Variants in FAM193A observed in about 807,000 individuals in gnomAD.
The protein encoded by FAM193A is family with sequence similarity 193 member A.
FAM193A carries 22 observed loss-of-function variants against 126.5 expected under a neutral mutation model. The ratio of observed to expected loss-of-function variants is 0.17; its 90% CI spans 0.12 to 0.25. The LOEUF (loss-of-function observed/expected upper bound fraction) is 0.25, where lower values mean the gene tolerates loss of function less well. Ranked by LOEUF, FAM193A falls within the 10% of genes least tolerant of loss-of-function variation. The probability of loss-of-function intolerance (pLI) is 1.00; values close to 1 mark genes in which losing one functional copy is unlikely to be tolerated. For missense variants in FAM193A, 1,675 were observed against 1,672.8 expected (o/e 1.00, Z -0.02); for synonymous variants, 761 against 646.8 (o/e 1.18, Z -2.68).
At chr4:2,658,653 C>T (rs1052945754) in intron 8 of FAM193A, among the ~76,000 whole-genome samples, 1 of 152,188 alleles carries the variant, frequency 6.6e-6, no homozygotes, top group Non-Finnish European at 1.5e-5. Flanking sequence ...TTTGCATGCC[C>T]GTGGTCTCCT....
intron 1 of FAM193A, among the ~76,000 whole-genome samples, chr4:2,556,447 G>T (rs1297041476): frequency 6.6e-6 from 1 of 151,598 alleles, no homozygotes. Context: ...CTCATGATCT[G>T]CCTGCCTTGG....
At chr4:2,686,971 A>G (rs1225775811) in intron 13 of FAM193A, among the ~76,000 whole-genome samples, 1 of 152,118 alleles carries the variant, frequency 6.6e-6, no homozygotes, top group Non-Finnish European at 1.5e-5. Flanking sequence ...CTCTTGTCCC[A>G]TGGGGCTCCC....
At chr4:2,557,121 T>C (rs1395397007) in intron 1 of FAM193A, among the ~76,000 whole-genome samples, 1 of 152,142 alleles carries the variant, frequency 6.6e-6, no homozygotes, top group Non-Finnish European at 1.5e-5. Flanking sequence ...AATTTGTAAA[T>C]TAGGCACAGT....
chr4:2,646,159 CTTTTTTTTT>C (rs568447182), intron 6 of FAM193A, among the ~76,000 whole-genome samples: 2 of 69,094 alleles, frequency 2.9e-5, no homozygotes, highest in Non-Finnish European at 2.6e-5. Context: ...TGAGCATCTC[CTTTTTTTTT>C]TTTTTTTTTT....
intron 1 of FAM193A, among the ~76,000 whole-genome samples, chr4:2,582,470 CCT>C (rs1200296875): frequency 6.6e-6 from 1 of 152,098 alleles, no homozygotes; most frequent in African/African-American, 2.4e-5. Context: ...CTCCTTCCCT[CCT>C]CTCTCTCTTT....
At chr4:2,565,545 C>G (rs998445008) in intron 1 of FAM193A, among the ~76,000 whole-genome samples, 1 of 151,908 alleles carries the variant, frequency 6.6e-6, no homozygotes, top group Non-Finnish European at 1.5e-5. Flanking sequence ...CGTGAGCCAC[C>G]GTGCTCAGCC....
chr4:2,582,099 TC>T (rs753259337), intron 1 of FAM193A, among the ~76,000 whole-genome samples: 2 of 152,202 alleles, frequency 1.3e-5, no homozygotes, highest in Non-Finnish European at 2.9e-5. Context: ...TTTTTGTTCT[TC>T]CATGTGTAAT....
chr4:2,577,422 G>GTTTTTTTTGTTTT (rs1225436149), intron 1 of FAM193A, among the ~76,000 whole-genome samples: 2 of 115,542 alleles, frequency 1.7e-5, no homozygotes, highest in African/African-American at 6.8e-5. Context: ...TTTTTTTTTT[G>GTTTTTTTTGTTTT]TTTTTTTTTT....
intron 19 of FAM193A, among the ~76,000 whole-genome samples, chr4:2,700,967 A>AAT (rs201774711): frequency 0.013 from 1,994 of 149,872 alleles, 45 homozygotes; most frequent in African/African-American, 0.045. Context: ...CATCTCAAAA[A>AAT]ATACATATAG....
chr4:2,640,037 A>C (rs975963529), intron 6 of FAM193A, among the ~76,000 whole-genome samples, 178 bp downstream of exon 6: 2 of 134,222 alleles, frequency 1.5e-5, no homozygotes, highest in African/African-American at 2.5e-5. Flanking sequence ...AATACAATTA[A>C]ACTTTTAAAT....
At chr4:2,638,077 A>G (rs1175250595) in intron 5 of FAM193A, among the ~76,000 whole-genome samples, 1 of 152,244 alleles carries the variant, frequency 6.6e-6, no homozygotes, top group African/African-American at 2.4e-5. Flanking sequence ...GGAAATGGCT[A>G]TCCCAGAGGT....
At chr4:2,564,429 T>C (rs1440771864) in intron 1 of FAM193A, among the ~76,000 whole-genome samples, 1 of 152,128 alleles carries the variant, frequency 6.6e-6, no homozygotes, top group Non-Finnish European at 1.5e-5. Flanking sequence ...GGCTCTTGTC[T>C]GGGCTTCCAT....
rs1560464644 is a variant in FAM193A at position 2,590,500 on chromosome 4, A to AC, written c.256-5584_256-5583insC. Among the ~76,000 whole-genome samples the AC allele has an allele frequency of 8.8e-4, 36 of 40,982 alleles. 1 individual carries two copies. The highest frequency in any genetic ancestry group is 1.5e-3 in the Non-Finnish European group (27 of 17,562). 26.9% of individuals were successfully genotyped at this position (40,982 alleles called of 152,430 possible). ...ACAAAAAAAAACAAAAAAAAACAAA[A>AC]AAAAACAAAAAAAAAACAAAACAAA... On this transcript the variant is annotated intron_variant, in intron 1 of 20. Coordinates refer to ENST00000637812, the MANE Select transcript of FAM193A (RefSeq NM_001366318.2).
chr4:2,536,579 TG>T (rs1193651035), upstream of FAM193A: 1 of 3,094 alleles, frequency 3.2e-4, no homozygotes, highest in Admixed American at 2.9e-3. Flanking sequence ...GGGGTGGGGG[TG>T]GGGGGTGGGG....
intron 20 of FAM193A, among the ~76,000 whole-genome samples, chr4:2,728,327 T>A (rs996132896): frequency 6.7e-6 from 1 of 150,374 alleles, no homozygotes; most frequent in Admixed American, 6.7e-5. Context: ...ACCTCAGTCT[T>A]CCAAAGTACT....
intron 2 of FAM193A, among the ~76,000 whole-genome samples, chr4:2,619,335 G>A (rs1742397867): frequency 6.6e-6 from 1 of 151,692 alleles, no homozygotes; most frequent in South Asian, 2.1e-4. Flanking sequence ...GGAGTCCTCA[G>A]TGTGTCACCC....
intron 1 of FAM193A, among the ~76,000 whole-genome samples, chr4:2,589,850 G>A (rs1357174245): frequency 6.6e-6 from 1 of 152,158 alleles, no homozygotes; most frequent in Non-Finnish European, 1.5e-5. Flanking sequence ...AAAAGATCAT[G>A]TATAGGCTGG....
In FAM193A at chr4:2,627,385, A is replaced by AAACAGGTGGGTTTCTTTCTCACATT. The variant is rs1560494614; in HGVS notation, c.803+808_803+809insAACAGGTGGGTTTCTTTCTCACATT. Reference sequence around the variant, plus strand: ...CATGTTGGTCAGGTTGGTCTCTAACATAATCCACCTGCCTTGACCTCCCAA... The same window carrying AAACAGGTGGGTTTCTTTCTCACATT: ...CATGTTGGTCAGGTTGGTCTCTAACAAACAGGTGGGTTTCTTTCTCACATTTAATCCACCTGCCTTGACCTCCCAA... On this transcript the variant is annotated intron_variant, in intron 4 of 20. Coordinates refer to ENST00000637812, the MANE Select transcript of FAM193A (RefSeq NM_001366318.2). Among the ~76,000 whole-genome samples the AAACAGGTGGGTTTCTTTCTCACATT allele has an allele frequency of 2.8e-4, 39 of 137,782 alleles. 2 individuals are homozygous for AAACAGGTGGGTTTCTTTCTCACATT. The highest frequency in any genetic ancestry group is 8.9e-4 in the East Asian group (4 of 4,480). The allele number at this position is 137,782 out of a possible 152,430, so 90.4% of individuals were successfully genotyped here.
chr4:2,690,920 A>G lies in FAM193A; in HGVS notation c.2753A>G (p.Gln918Arg). 1 of 1,614,232 alleles carries G rather than the reference A, an allele frequency of 6.2e-7. No homozygotes were observed. Among genetic ancestry groups the G allele is most frequent in the Non-Finnish European group, 8.5e-7 (1 of 1,180,016 alleles). The change falls in exon 15 of 21, where the codon CAG becomes CGG. Residue 918 changes from glutamine to arginine, a missense_variant. Gln to Arg is a conservative substitution (Grantham distance 43, BLOSUM62 1). This residue lies in a region of FAM193A where 1,186 missense variants were observed against 1,109.2 expected (regional missense o/e 1.07). Transcript: ENST00000637812. ...GTGTCCTGCACAGCTACCACAGTGCAGTCCAGCAACAGCCAGTTCAGAGTG... is the reference window on the plus strand; with the variant it reads ...GTGTCCTGCACAGCTACCACAGTGCGGTCCAGCAACAGCCAGTTCAGAGTG... The part of the protein sequence containing the change: ...SSVSCTATTV[Q>R]SSNSQFRVSS...
Sources: gnomAD v4.1 joint callset for allele counts (sites outside exome capture counted in the v4.1 genomes callset) on GRCh38, gnomAD v4.1.1 for gene constraint, gnomAD v4.1.1 regional missense constraint, MANE v1.5 for transcripts, NCBI Gene and HGNC (gene_info 2026-07-23, HGNC 2026-07-21) for gene names.